RBPJ: variants seen among roughly 807,000 people sequenced by gnomAD.
RBPJ encodes recombining binding protein suppressor of hairless.
A neutral mutation model predicts 67.8 loss-of-function variants in RBPJ; 9 were observed. The observed-to-expected ratio is 0.13, with a 90% CI of 0.08 to 0.23. The LOEUF (loss-of-function observed/expected upper bound fraction) is 0.23. RBPJ is among the 10% of genes least tolerant of loss of function. The probability of loss-of-function intolerance (pLI) is 1.00; values close to 1 mark genes in which losing one functional copy is unlikely to be tolerated. For missense variants in RBPJ, 305 were observed against 595.6 expected, an observed-to-expected ratio of 0.51 and a Z score of 5.08; for synonymous variants, 198 against 203.3, an observed-to-expected ratio of 0.97 and a Z score of 0.22.
At position 26,215,352 on chromosome 4, in the gene RBPJ, AAAG is replaced by A. The variant is rs1249023501; in HGVS notation, c.-167+51742_-167+51744del. The stretch of plus-strand genomic sequence containing the variant: ...AAAAGAGAGAGAGAAAGAAAGAAAA[AAAG>A]AAGGAAGGAAGGAAGGAAGAAGGGA... On this transcript the variant is annotated intron_variant, in intron 1 of 4. Coordinates refer to the RBPJ transcript ENST00000512351. 6.5e-4 allele frequency among the ~76,000 whole-genome samples: 81 copies of A among 123,900 alleles called. 3 individuals are homozygous for A. Among genetic ancestry groups the A allele is most frequent in the African/African-American group, 1.8e-3 (55 of 30,838 alleles). 81.3% of individuals were successfully genotyped at this position (123,900 alleles called of 152,430 possible).
rs1259858471 is a variant in RBPJ, at chr4:26,349,817, C to T, written c.20+28769C>T. 3.3e-5 allele frequency among the ~76,000 whole-genome samples: 5 copies of T among 152,308 alleles called. No individual in the cohort carries two copies. The South Asian group carries it at 6.2e-4, about 19-fold the overall frequency. ...TTATAAAAGTAACTGTCTATTACAT[C>T]GGCAGTACTTTGTGCCATTCTGCCT... On this transcript the variant is annotated intron_variant, in intron 1 of 10. Coordinates refer to ENST00000355476, the MANE Select transcript of RBPJ (RefSeq NM_015874.6).
At chr4:26,340,811 A>G (rs1004013670) in intron 1 of RBPJ, among the ~76,000 whole-genome samples, 1 of 151,672 alleles carries the variant, frequency 6.6e-6, no homozygotes, top group Non-Finnish European at 1.5e-5. Flanking sequence ...GTGAGCTGAG[A>G]TCACGCCACT....
intron 1 of RBPJ, among the ~76,000 whole-genome samples, chr4:26,358,487 C>T (rs1260236722): frequency 6.6e-6 from 1 of 151,576 alleles, no homozygotes; most frequent in East Asian, 1.9e-4. Context: ...AAAAATAGTC[C>T]ACTCAGTCCA....
intron 1 of RBPJ, among the ~76,000 whole-genome samples, chr4:26,349,091 C>CGCGCGCGCGCGCGT (rs1377778499): frequency 1.5e-5 from 2 of 137,356 alleles, no homozygotes; most frequent in Non-Finnish European, 3.2e-5. Context: ...TGTGTGTGCG[C>CGCGCGCGCGCGCGT]GCGCGCACGC....
chr4:26,338,755 A>G (rs150378230), intron 1 of RBPJ, among the ~76,000 whole-genome samples: 1 of 151,436 alleles, frequency 6.6e-6, no homozygotes, highest in African/African-American at 2.4e-5. Flanking sequence ...TTGTATTTTT[A>G]GTAGAGATGG....
chr4:26,118,498 A>T, the RBPJ span, among the ~76,000 whole-genome samples: 1 of 152,210 alleles, frequency 6.6e-6, no homozygotes, highest in Non-Finnish European at 1.5e-5. Flanking sequence ...CAGGGAAGGT[A>T]GGTAGACTGG....
the RBPJ span, among the ~76,000 whole-genome samples, chr4:26,132,688 C>G: frequency 6.6e-6 from 1 of 152,194 alleles, no homozygotes; most frequent in Non-Finnish European, 1.5e-5. Flanking sequence ...GCCCTACAGT[C>G]TAAAAGTAAA....
intron 1 of RBPJ, among the ~76,000 whole-genome samples, chr4:26,197,354 G>A (rs960716225): frequency 2.6e-5 from 4 of 152,170 alleles, no homozygotes; most frequent in African/African-American, 9.6e-5. Context: ...GCCCCATCCC[G>A]GTCCAGATGT....
At chr4:26,385,437 C>T (rs1182708994) in intron 1 of RBPJ, among the ~76,000 whole-genome samples, 1 of 152,170 alleles carries the variant, frequency 6.6e-6, no homozygotes, top group Non-Finnish European at 1.5e-5. Flanking sequence ...AGTCAAGTAA[C>T]TTCAGGGTTA....
intron 1 of RBPJ, among the ~76,000 whole-genome samples, chr4:26,342,262 TATCAA>T (rs1560279567): frequency 8.5e-6 from 1 of 117,402 alleles, no homozygotes; most frequent in Non-Finnish European, 1.9e-5. Flanking sequence ...ACACCTGGGT[TATCAA>T]AAAAAAAAAA....
intron 1 of RBPJ, among the ~76,000 whole-genome samples, chr4:26,192,587 T>C (rs1173753904): frequency 6.6e-6 from 1 of 152,198 alleles, no homozygotes; most frequent in Non-Finnish European, 1.5e-5. Context: ...AGCACTTAAT[T>C]GGTTCTCAAC....
intron 1 of RBPJ, among the ~76,000 whole-genome samples, chr4:26,337,999 T>C (rs1047599625): frequency 6.6e-6 from 1 of 151,930 alleles, no homozygotes; most frequent in African/African-American, 2.4e-5. Context: ...AGTTTTTCAT[T>C]TGTCATTCAT....
chr4:26,316,246 C>CATATATAT (rs201168345), upstream of RBPJ, among the ~76,000 whole-genome samples: 1 of 144,496 alleles, frequency 6.9e-6, no homozygotes, highest in East Asian at 2.0e-4. Flanking sequence ...CTTCCCGCAA[C>CATATATAT]ATATATATAT....
intron 1 of RBPJ, among the ~76,000 whole-genome samples, chr4:26,265,051 G>A (rs1254483590): frequency 2.6e-5 from 4 of 152,138 alleles, no homozygotes; most frequent in Non-Finnish European, 5.9e-5. Context: ...ATTTTGAGGG[G>A]TAATAAATTA....
chr4:26,267,038 AT>A (rs1303550258), intron 1 of RBPJ, among the ~76,000 whole-genome samples: 18 of 152,178 alleles, frequency 1.2e-4, no homozygotes, highest in Non-Finnish European at 2.5e-4. Flanking sequence ...CTTTCTAGAG[AT>A]GCAGATGATT....
At chr4:26,279,527 C>G (rs958343799) in intron 1 of RBPJ, among the ~76,000 whole-genome samples, 2 of 152,202 alleles carry the variant, frequency 1.3e-5, no homozygotes, top group East Asian at 1.9e-4. Flanking sequence ...CCACCCGCCT[C>G]GGCCTCCCAA....
At chr4:26,177,014 C>T (rs904337735) in intron 1 of RBPJ, among the ~76,000 whole-genome samples, 2 of 152,206 alleles carry the variant, frequency 1.3e-5, no homozygotes, top group Admixed American at 1.3e-4. Context: ...TGTAAAGTTG[C>T]CATGAGTCTG....
rs370272015 is a variant in RBPJ at position 26,214,410 on chromosome 4, G to GAGAA, written c.-167+50808_-167+50811dup. Among the ~76,000 whole-genome samples, 626 of 137,756 alleles carry GAGAA rather than the reference G, an allele frequency of 4.5e-3. 1 individual carries two copies. The highest frequency in any genetic ancestry group is 6.0e-3 in the African/African-American group (217 of 36,470). The allele number at this position is 137,756 out of a possible 152,430, so 90.4% of individuals were successfully genotyped here. The stretch of plus-strand genomic sequence containing the variant: ...AGGGGAGGGAGGGAGGGAAGAGAGA[G>GAGAA]AGAAAGAAAGAAAGAGAAAAAGAGA... On this transcript the variant is annotated intron_variant, in intron 1 of 4. Coordinates refer to the RBPJ transcript ENST00000512351.
At chr4:26,258,863 G>A (rs1184599370) in intron 1 of RBPJ, among the ~76,000 whole-genome samples, 1 of 151,950 alleles carries the variant, frequency 6.6e-6, no homozygotes, top group Non-Finnish European at 1.5e-5. Flanking sequence ...GAGTGCAGTG[G>A]TGCGATCTTG....
Sources: gnomAD v4.1 joint callset for allele counts (sites outside exome capture counted in the v4.1 genomes callset) on GRCh38, gnomAD v4.1.1 for gene constraint, MANE v1.5 for transcripts, NCBI Gene and HGNC (gene_info 2026-07-23, HGNC 2026-07-21) for gene names.